The following ATP8A2 variants were observed in gnomAD, a reference collection of about 807,000 sequenced individuals.
ATP8A2 encodes phospholipid-transporting ATPase IB.
Under a neutral mutation model 165.6 loss-of-function variants are expected in ATP8A2, and 100 were observed. The ratio of observed to expected loss-of-function variants is 0.60; its 90% confidence interval spans 0.51 to 0.71. The LOEUF is 0.71. Ranked by LOEUF, ATP8A2 falls within the 30% of genes least tolerant of loss-of-function variation. The pLI is 0.00. For synonymous variants in ATP8A2, 543 were observed against 548.8 expected, an observed-to-expected ratio of 0.99 and a Z score of 0.15; for missense variants, 1,227 against 1,479.5, an observed-to-expected ratio of 0.83 and a Z score of 2.80.
chr13:25,762,326 A>G (rs1373431166), intron 25 of ATP8A2, among the ~76,000 whole-genome samples: 2 of 137,764 alleles, frequency 1.5e-5, no homozygotes, highest in Non-Finnish European at 3.1e-5. Context: ...AATGTTTTTA[A>G]GGATATTTGT....
chr13:25,653,213 G>A (rs868742185), intron 24 of ATP8A2, among the ~76,000 whole-genome samples: 11 of 152,264 alleles, frequency 7.2e-5, no homozygotes, highest in Middle Eastern at 6.8e-3. Context: ...ATTGAATAGG[G>A]AGTCCTTTCC....
chr13:25,567,051 G>A (rs902555970), intron 16 of ATP8A2: 1 of 269,444 alleles, frequency 3.7e-6, no homozygotes, highest in Non-Finnish European at 7.4e-6. Flanking sequence ...CAGTGGCCTG[G>A]GGCAAATCCT....
At chr13:25,634,464 A>G (rs1028248899) in intron 24 of ATP8A2, among the ~76,000 whole-genome samples, 1 of 152,202 alleles carries the variant, frequency 6.6e-6, no homozygotes. Flanking sequence ...TAAAATTCTA[A>G]CATGTCAAAA....
chr13:26,009,411 C>T (rs985549041), intron 35 of ATP8A2, among the ~76,000 whole-genome samples: 1 of 152,360 alleles, frequency 6.6e-6, no homozygotes, highest in African/African-American at 2.4e-5. Context: ...CTGCCCTGCA[C>T]TGAGGGCATC....
intron 25 of ATP8A2, among the ~76,000 whole-genome samples, chr13:25,717,038 T>A (rs3132349): frequency 6.6e-6 from 1 of 151,906 alleles, no homozygotes; most frequent in Non-Finnish European, 1.5e-5. Context: ...GAAAGAAAGG[T>A]GACTTTAATC....
intron 1 of ATP8A2, among the ~76,000 whole-genome samples, chr13:25,460,159 C>A (rs1291125892): frequency 1.3e-5 from 2 of 152,182 alleles, no homozygotes; most frequent in Non-Finnish European, 2.9e-5. Flanking sequence ...CGAGATTGCG[C>A]CATTGCACTC....
intron 24 of ATP8A2, among the ~76,000 whole-genome samples, chr13:25,695,130 ATCTTTTTTT>A (rs1339113267): frequency 7.1e-6 from 1 of 141,078 alleles, no homozygotes; most frequent in Non-Finnish European, 1.5e-5. Context: ...AAGTCACACT[ATCTTTTTTT>A]TTTTTTGGTT....
intron 35 of ATP8A2, among the ~76,000 whole-genome samples, chr13:25,972,809 C>G (rs1483003741): frequency 2.0e-5 from 3 of 152,122 alleles, no homozygotes; most frequent in African/African-American, 7.2e-5. Context: ...TGGCCACTCA[C>G]TTTTACAGAT....
At chr13:25,810,679 A>C (rs1950846910) in intron 27 of ATP8A2, among the ~76,000 whole-genome samples, 1 of 152,020 alleles carries the variant, frequency 6.6e-6, no homozygotes, top group African/African-American at 2.4e-5. Context: ...GACTGTGTCT[A>C]TCTTAGTAAA....
At chr13:25,441,237 A>G (rs2034923927) in intron 1 of ATP8A2, among the ~76,000 whole-genome samples, 1 of 152,240 alleles carries the variant, frequency 6.6e-6, no homozygotes, top group South Asian at 2.1e-4. Flanking sequence ...AAATCCAAAG[A>G]ACATAAATGG....
chr13:25,765,459 G>A (rs2044471713), intron 25 of ATP8A2, among the ~76,000 whole-genome samples: 1 of 152,168 alleles, frequency 6.6e-6, no homozygotes, highest in Non-Finnish European at 1.5e-5. Flanking sequence ...CTAAAATACT[G>A]CATATGGCTA....
intron 25 of ATP8A2, among the ~76,000 whole-genome samples, chr13:25,711,193 C>T (rs2043151273): frequency 6.6e-6 from 1 of 152,038 alleles, no homozygotes; most frequent in African/African-American, 2.4e-5. Context: ...TTAGTACAGA[C>T]AGGGTTTCAC....
chr13:25,789,717 GA>G (rs1428140102), intron 27 of ATP8A2, among the ~76,000 whole-genome samples: 1 of 152,156 alleles, frequency 6.6e-6, no homozygotes, highest in East Asian at 1.9e-4. Flanking sequence ...CATAGTACTA[GA>G]AAAAACTTTT....
At chr13:25,604,263 G>A (rs2040462023) in intron 24 of ATP8A2, among the ~76,000 whole-genome samples, 1 of 152,160 alleles carries the variant, frequency 6.6e-6, no homozygotes. Context: ...TGCTGCTAAT[G>A]GGTTCAGTGA....
chr13:25,938,637 G>T (rs1003541781), intron 33 of ATP8A2, among the ~76,000 whole-genome samples: 5 of 152,158 alleles, frequency 3.3e-5, no homozygotes, highest in Non-Finnish European at 5.9e-5. Flanking sequence ...TCTCCCAGGA[G>T]CCTCTAGGCC....
chr13:25,588,071 G>T (rs1015006062), intron 23 of ATP8A2, among the ~76,000 whole-genome samples: 1 of 152,164 alleles, frequency 6.6e-6, no homozygotes, highest in Non-Finnish European at 1.5e-5. Flanking sequence ...GTTTTAACAA[G>T]AGAAATAATC....
chr13:25,868,248 C>A, intron 33 of ATP8A2: 1 of 372,688 alleles, frequency 2.7e-6, no homozygotes, highest in Non-Finnish European at 5.4e-6. Flanking sequence ...ATTACTTTAG[C>A]ACTGCAATTA....
At chr13:25,902,973 G>T (rs1360651715) in intron 33 of ATP8A2, among the ~76,000 whole-genome samples, 4 of 94,218 alleles carry the variant, frequency 4.2e-5, no homozygotes, top group Non-Finnish European at 6.4e-5. Flanking sequence ...ACACACACAC[G>T]TAAATGCACA....
At chr13:25,450,475 C>T (rs528775708) in intron 1 of ATP8A2, among the ~76,000 whole-genome samples, 7 of 152,236 alleles carry the variant, frequency 4.6e-5, no homozygotes, top group Admixed American at 6.5e-5. Flanking sequence ...TCCACAACTT[C>T]GCAAGGATCT....
Sources: allele counts gnomAD v4.1 joint callset (sites outside exome capture counted in the v4.1 genomes callset), GRCh38; gene constraint gnomAD v4.1.1; transcripts MANE v1.5; gene names NCBI Gene and HGNC (gene_info 2026-07-23, HGNC 2026-07-21).